The following AGAP1 variants were observed in gnomAD, a reference collection of about 807,000 sequenced individuals.
AGAP1 encodes ArfGAP with GTPase domain, ankyrin repeat and PH domain 1.
In AGAP1, 29 loss-of-function variants were observed where a neutral mutation model predicts 105.3. The observed-to-expected ratio is 0.28, with a 90% CI of 0.21 to 0.38. The LOEUF is 0.38. Ranked by LOEUF, AGAP1 falls within the 10% of genes least tolerant of loss-of-function variation. AGAP1 has a pLI of 1.00. For missense variants in AGAP1, 998 were observed against 1,165.1 expected (o/e 0.86, Z 2.09); for synonymous variants, 509 against 485.9 (o/e 1.05, Z -0.63).
rs1311299910 is a variant in AGAP1, at chr2:235,740,709, T to C, written c.311-254T>C. Among the ~76,000 whole-genome samples, 2 of 152,252 alleles carry C rather than the reference T, an allele frequency of 1.3e-5. No homozygotes were observed. Among genetic ancestry groups the C allele is most frequent in the Non-Finnish European group, 2.9e-5 (2 of 68,048 alleles). On this transcript the variant is annotated intron_variant, in intron 3 of 17. Coordinates refer to ENST00000304032, the MANE Select transcript of AGAP1 (RefSeq NM_001037131.3). This position sits in a 1 kb window ranked among gnomAD's most constrained non-coding sequence, Gnocchi z 5.7. ...AGCCCACATGAGAAGTCCACACTAATTGGCCACGAGTGTCTGGCATTGCGA... is the reference window on the plus strand; with the variant it reads ...AGCCCACATGAGAAGTCCACACTAACTGGCCACGAGTGTCTGGCATTGCGA...
At chr2:236,034,301 ATT>A (rs11303036) in intron 13 of AGAP1, among the ~76,000 whole-genome samples, 42 of 146,596 alleles carry the variant, frequency 2.9e-4, no homozygotes, top group African/African-American at 6.5e-4. Context: ...AGTTACAATG[ATT>A]TTTTTTTTTT....
intron 1 of AGAP1, among the ~76,000 whole-genome samples, chr2:235,506,408 A>G (rs866224802): frequency 6.6e-6 from 1 of 152,030 alleles, no homozygotes; most frequent in Non-Finnish European, 1.5e-5. Context: ...AGTCCTAGCT[A>G]CTTGAGTGGC....
At position 235,934,889 on chromosome 2, in the gene AGAP1, T is replaced by G. The variant is rs1398334239; in HGVS notation, c.1483+3966T>G. On this transcript the variant is annotated intron_variant, in intron 12 of 17. Coordinates refer to ENST00000304032, the MANE Select transcript of AGAP1 (RefSeq NM_001037131.3). This position sits in a 1 kb window ranked among gnomAD's most constrained non-coding sequence, Gnocchi z 4.9. Reference sequence around the variant, plus strand: ...CGGCAACATTGGGATTCACTGTTTCTCCGCCCCCCGTCCACCCTAAATTAA... The same window carrying G: ...CGGCAACATTGGGATTCACTGTTTCGCCGCCCCCCGTCCACCCTAAATTAA... Among the ~76,000 whole-genome samples, 2 of 152,116 alleles carry G rather than the reference T, an allele frequency of 1.3e-5. No homozygotes were observed. The highest frequency in any genetic ancestry group is 2.9e-5 in the Non-Finnish European group (2 of 68,018).
intron 13 of AGAP1, among the ~76,000 whole-genome samples, chr2:236,034,959 CAA>C (rs752464813): frequency 1.3e-5 from 2 of 152,282 alleles, no homozygotes; most frequent in East Asian, 3.9e-4. Flanking sequence ...CTCTCAGCCA[CAA>C]AGAGGGCTGC....
intron 1 of AGAP1, among the ~76,000 whole-genome samples, chr2:235,666,715 A>G (rs1478450645): frequency 6.6e-6 from 1 of 151,442 alleles, no homozygotes; most frequent in African/African-American, 2.4e-5. Context: ...CAACAAAGGT[A>G]CAGTAATTGG....
intron 9 of AGAP1, among the ~76,000 whole-genome samples, chr2:235,880,006 G>C (rs1191914858): frequency 6.6e-6 from 1 of 151,556 alleles, no homozygotes; most frequent in East Asian, 1.9e-4. Flanking sequence ...AAGCTACTCA[G>C]GAGGAAGGAG....
At chr2:235,945,315 A>G (rs1265377997) in intron 12 of AGAP1, among the ~76,000 whole-genome samples, 1 of 152,110 alleles carries the variant, frequency 6.6e-6, no homozygotes, top group Non-Finnish European at 1.5e-5. Context: ...CGTGTTAGCC[A>G]GGATGGTCTC....
chr2:235,556,968 C>T lies in AGAP1; in HGVS notation c.163+62119C>T, dbSNP rs78254453. On this transcript the variant is annotated intron_variant, in intron 1 of 17. Transcript: ENST00000304032. The surrounding 1 kb of genome is among the most constrained non-coding windows in gnomAD (Gnocchi z 5.3). The stretch of plus-strand genomic sequence containing the variant: ...GTTTGATCATTTTCTGAGGATATAG[C>T]GTTTAGTGCACACCTCTTTTGTGCA... Among the ~76,000 whole-genome samples, 3,697 of 152,228 alleles carry T rather than the reference C, an allele frequency of 0.024. 66 individuals carry two copies. The highest frequency in any genetic ancestry group is 0.088 in the Middle Eastern group (26 of 294).
intron 1 of AGAP1, among the ~76,000 whole-genome samples, chr2:235,592,716 A>G (rs141734818): frequency 4.8e-4 from 73 of 152,140 alleles, no homozygotes; most frequent in African/African-American, 1.6e-3. Context: ...GGCGCATCTT[A>G]GTTATGGTGT....
At chr2:235,683,418 T>C (rs1429674402) in intron 1 of AGAP1, among the ~76,000 whole-genome samples, 1 of 151,854 alleles carries the variant, frequency 6.6e-6, no homozygotes, top group African/African-American at 2.4e-5. Flanking sequence ...CATATACACA[T>C]ATTGATATAA....
rs1175421480 is a variant in AGAP1 at position 235,705,138 on chromosome 2, C to T, written c.164-4041C>T. ...GGATTACAATCATGTGCCACCACGC[C>T]TGGCTAATTTTTGTATTTTTAGTAG... On this transcript the variant is annotated intron_variant, in intron 1 of 17. Transcript: ENST00000304032. This position sits in a 1 kb window ranked among gnomAD's most constrained non-coding sequence, Gnocchi z 4.9. Among the ~76,000 whole-genome samples, 1 of 152,044 alleles carries T rather than the reference C, an allele frequency of 6.6e-6. No homozygotes were observed. Among genetic ancestry groups the T allele is most frequent in the African/African-American group, 2.4e-5 (1 of 41,404 alleles).
rs1055186610 is a variant in AGAP1 at position 236,001,238 on chromosome 2, C to T, written c.1645+32615C>T. 3.9e-5 allele frequency among the ~76,000 whole-genome samples: 6 copies of T among 152,160 alleles called. No individual in the cohort carries two copies. The highest frequency in any genetic ancestry group is 7.2e-5 in the African/African-American group (3 of 41,426). ...AGAGAAAGGAAAGGGACAGGTCCTC[C>T]GGGGAGCCTTCATGGGGAGCCCTGG... is the stretch of plus-strand genomic sequence containing the variant. On this transcript the variant is annotated intron_variant, in intron 13 of 17. Transcript: ENST00000304032. The surrounding 1 kb of genome is among the most constrained non-coding windows in gnomAD (Gnocchi z 4.7).
rs1409071527 is a variant in AGAP1 at position 235,609,370 on chromosome 2, G to A, written c.164-99809G>A. ...GACATGGGGACATGGGGCAGGGAGA[G>A]CTTCAGAATGAGCGGGAAGCCTCCA... On this transcript the variant is annotated intron_variant, in intron 1 of 17. Coordinates refer to ENST00000304032, the MANE Select transcript of AGAP1 (RefSeq NM_001037131.3). The surrounding 1 kb of genome is among the most constrained non-coding windows in gnomAD (Gnocchi z 5.1). Among the ~76,000 whole-genome samples, 1 of 152,198 alleles carries A rather than the reference G, an allele frequency of 6.6e-6. No individual in the cohort carries two copies. The highest frequency in any genetic ancestry group is 2.4e-5 in the African/African-American group (1 of 41,450).
intron 1 of AGAP1, among the ~76,000 whole-genome samples, chr2:235,495,561 G>A (rs1220456035): frequency 6.6e-6 from 1 of 152,230 alleles, no homozygotes; most frequent in South Asian, 2.1e-4. Context: ...GAAGTGGAGG[G>A]TGCTGTGGTT....
chr2:236,023,561 C>T (rs536748189), intron 13 of AGAP1, among the ~76,000 whole-genome samples: 19 of 152,076 alleles, frequency 1.2e-4, no homozygotes, highest in Non-Finnish European at 2.4e-4. Flanking sequence ...AAACAGAAGT[C>T]CCAACTCTTT....
chr2:235,853,372 T>C (rs1167299470), intron 9 of AGAP1, among the ~76,000 whole-genome samples: 1 of 152,214 alleles, frequency 6.6e-6, no homozygotes, highest in Non-Finnish European at 1.5e-5. Flanking sequence ...TTGGAAATAA[T>C]GTCAACTTCC....
At chr2:235,710,185 C>G (rs538752035) in intron 2 of AGAP1, among the ~76,000 whole-genome samples, 60 of 152,308 alleles carry the variant, frequency 3.9e-4, no homozygotes, top group African/African-American at 1.3e-3. Context: ...GTGGACTCCT[C>G]CCCACTGACC....
Position 235,901,616 on chromosome 2 carries a change from C to T in AGAP1, c.1156-7122C>T, listed in dbSNP as rs533016734. 1.3e-5 allele frequency among the ~76,000 whole-genome samples: 2 copies of T among 152,252 alleles called. No homozygotes were observed. Among genetic ancestry groups the T allele is most frequent in the Admixed American group, 6.5e-5 (1 of 15,302 alleles). The stretch of plus-strand genomic sequence containing the variant: ...AAATTATGGGCCAGGTGTGGTGGCT[C>T]ACACCTGTAATCCCAGCACTTTGGG... On this transcript the variant is annotated intron_variant, in intron 10 of 17. Coordinates refer to ENST00000304032, the MANE Select transcript of AGAP1 (RefSeq NM_001037131.3). The surrounding 1 kb of genome is among the most constrained non-coding windows in gnomAD (Gnocchi z 4.3).
rs1480319564 is a variant in AGAP1, at chr2:235,830,332, C to G, written c.1050+23001C>G. ...AGATGGAATTTGTCTTCATATTTTG[C>G]TCATGTCAGTGAGGAGATAGATGTG... On this transcript the variant is annotated intron_variant, in intron 9 of 17. Transcript: ENST00000304032. This position sits in a 1 kb window ranked among gnomAD's most constrained non-coding sequence, Gnocchi z 5.5. Among the ~76,000 whole-genome samples, 1 of 152,182 alleles carries G rather than the reference C, an allele frequency of 6.6e-6. No individual in the cohort carries two copies. Among genetic ancestry groups the G allele is most frequent in the Non-Finnish European group, 1.5e-5 (1 of 68,038 alleles).
Sources: gnomAD v4.1 joint callset for allele counts (sites outside exome capture counted in the v4.1 genomes callset) on GRCh38, gnomAD v4.1.1 for gene constraint, Gnocchi (gnomAD v3.1) non-coding constraint, MANE v1.5 for transcripts, NCBI Gene and HGNC (gene_info 2026-07-23, HGNC 2026-07-21) for gene names.